The following PCDHA1 variants were observed in gnomAD, a reference collection of about 807,000 sequenced individuals.
The protein encoded by PCDHA1 is protocadherin alpha-1.
In PCDHA1, 42 loss-of-function variants were observed where a neutral mutation model predicts 61.3. That is an observed-to-expected ratio of 0.69 (90% CI 0.54 to 0.89). The LOEUF is 0.89. Among genes scored for constraint, PCDHA1 ranks in the 40% least tolerant of loss-of-function variants. The pLI is 0.00. For synonymous variants in PCDHA1, 610 were observed against 553.8 expected, an observed-to-expected ratio of 1.10 and a Z score of -1.43; for missense variants, 1,256 against 1,235.3, an observed-to-expected ratio of 1.02 and a Z score of -0.25.
chr5:140,871,269 G>T, intron 1 of PCDHA1: 3 of 1,613,952 alleles, frequency 1.9e-6, no homozygotes, highest in Non-Finnish European at 2.5e-6. Context: ...CGCTGTGGTG[G>T]TCGGCAACGC....
intron 1 of PCDHA1, chr5:140,830,206 C>A: frequency 1.9e-6 from 3 of 1,613,782 alleles, no homozygotes; most frequent in Non-Finnish European, 2.5e-6. Context: ...TCGCCATCTG[C>A]GCGGTATCCA....
intron 1 of PCDHA1, among the ~76,000 whole-genome samples, chr5:140,893,566 C>T (rs1283289530): frequency 6.6e-6 from 1 of 152,156 alleles, no homozygotes; most frequent in African/African-American, 2.4e-5. Flanking sequence ...AGTGTACTTC[C>T]TCAGTTTTTG....
chr5:140,796,446 G>A (rs1328451304), intron 1 of PCDHA1: 1 of 1,613,266 alleles, frequency 6.2e-7, no homozygotes, highest in Non-Finnish European at 8.5e-7. Context: ...CCTACTCGCT[G>A]GTGGAGCGGC....
chr5:140,818,115 T>G (rs1287358560), intron 1 of PCDHA1, among the ~76,000 whole-genome samples: 3 of 152,250 alleles, frequency 2.0e-5, no homozygotes, highest in African/African-American at 7.2e-5. Flanking sequence ...TTTTATCAGT[T>G]TAAGAGAAGA....
rs1554178111 is a variant in PCDHA1 at position 140,883,417 on chromosome 5, A to G, written c.2394+94733A>G. On this transcript the variant is annotated intron_variant, in intron 1 of 3. Transcript: ENST00000504120. Reference sequence around the variant, plus strand: ...CCGATCGTGACTCTGGCTCAAATGGACAGGTCACCTGCACCTTGACGCCGC... The same window carrying G: ...CCGATCGTGACTCTGGCTCAAATGGGCAGGTCACCTGCACCTTGACGCCGC... 3.1e-6 allele frequency: 5 copies of G among 1,614,146 alleles called. No homozygotes were observed. The South Asian group carries it at 5.5e-5, about 18-fold the overall frequency.
At chr5:140,952,009 G>A (rs780606946) in intron 1 of PCDHA1, among the ~76,000 whole-genome samples, 1 of 152,102 alleles carries the variant, frequency 6.6e-6, no homozygotes, top group African/African-American at 2.4e-5. Flanking sequence ...AGAATTATAG[G>A]CCCCATGCAA....
At chr5:140,882,129 T>C (rs2153382855) in intron 1 of PCDHA1, 5 of 1,473,110 alleles carry the variant, frequency 3.4e-6, no homozygotes, top group Non-Finnish European at 2.7e-6. Context: ...TCTTTCTTCC[T>C]GCAGAAAATA....
In PCDHA1 at chr5:140,788,475, G is replaced by C. The variant is rs1554118267; in HGVS notation, c.2185G>C (p.Glu729Gln). Residue 729 changes from glutamate (E) to glutamine (Q), a missense_variant, in exon 1 of 4, where the codon GAG becomes CAG. Glu to Gln is a conservative substitution (Grantham distance 29). Coordinates refer to ENST00000504120, the MANE Select transcript of PCDHA1 (RefSeq NM_018900.4). ...TALRCSVPPT[E>Q]GAYVPGKPTL... is the part of the protein sequence containing the mutation. ...GCTGCGGTGCTCAGTGCCGCCCACT[G>C]AGGGTGCGTATGTGCCGGGCAAGCC... 6.2e-7 allele frequency: 1 copy of C among 1,614,122 alleles called. No homozygotes were observed. Among genetic ancestry groups the C allele is most frequent in the Non-Finnish European group, 8.5e-7 (1 of 1,180,002 alleles).
intron 3 of PCDHA1, among the ~76,000 whole-genome samples, chr5:141,007,907 A>G (rs1402621923): frequency 6.6e-6 from 1 of 152,186 alleles, no homozygotes; most frequent in Non-Finnish European, 1.5e-5. Flanking sequence ...TTCTTTGTTG[A>G]AGATGCTATA....
intron 3 of PCDHA1, among the ~76,000 whole-genome samples, chr5:140,991,523 T>A (rs73268060): frequency 0.032 from 4,843 of 152,294 alleles, 263 homozygotes; most frequent in African/African-American, 0.11. Flanking sequence ...CAAGGTGTGT[T>A]CTTGCCACTA....
Position 140,787,867 on chromosome 5 carries a change from A to G in PCDHA1, c.1577A>G (p.Glu526Gly). The change falls in exon 1 of 4, where the codon GAG becomes GGG. Residue 526 changes from glutamate to glycine, a missense_variant. Glu to Gly is a moderately conservative substitution (Grantham distance 98). Coordinates refer to ENST00000504120, the MANE Select transcript of PCDHA1 (RefSeq NM_018900.4). Reference protein sequence around the residue: ...KVYALQPLDHEELELLQFQVS... With the variant: ...KVYALQPLDHGELELLQFQVS... ...TACGCACTGCAGCCCCTGGACCACG[A>G]GGAGCTGGAGCTGCTGCAGTTCCAG... 2 of 1,613,106 alleles carry G rather than the reference A, an allele frequency of 1.2e-6. No individual in the cohort carries two copies. The highest frequency in any genetic ancestry group is 1.7e-6 in the Non-Finnish European group (2 of 1,179,842).
At chr5:140,795,678 T>C in intron 1 of PCDHA1, 3 of 1,614,122 alleles carry the variant, frequency 1.9e-6, no homozygotes, top group South Asian at 2.2e-5. Context: ...TAAATGACAA[T>C]GAACCAACTT....
chr5:140,846,229 T>C (rs1166020827), intron 1 of PCDHA1, among the ~76,000 whole-genome samples: 1 of 149,582 alleles, frequency 6.7e-6, no homozygotes, highest in Non-Finnish European at 1.5e-5. Context: ...GTATTTTTCT[T>C]AAAAAGAAGT....
intron 1 of PCDHA1, chr5:140,796,933 C>G (rs1311910675): frequency 1.2e-6 from 2 of 1,613,864 alleles, no homozygotes; most frequent in African/African-American, 2.7e-5. Flanking sequence ...CCACGGCGAA[C>G]CAGCGTTGAC....
chr5:140,896,283 T>TG (rs1440417603), intron 1 of PCDHA1, among the ~76,000 whole-genome samples: 4 of 152,258 alleles, frequency 2.6e-5, no homozygotes, highest in Admixed American at 6.5e-5. Context: ...CTGGCTTGAA[T>TG]GGTAAGTTCT....
Position 140,809,414 on chromosome 5 carries a change from A to G in PCDHA1, c.2394+20730A>G, listed in dbSNP as rs541059549. The G allele has an allele frequency of 3.0e-5, 49 of 1,614,198 alleles. No individual in the cohort carries two copies. The East Asian group carries it at 9.6e-4, about 32-fold the overall frequency. ...GGGCAAGCCCACGCTGGTGTGCTCCAGTGCGGTGGGGAGCTGGTCATACTC... is the reference window on the plus strand; with the variant it reads ...GGGCAAGCCCACGCTGGTGTGCTCCGGTGCGGTGGGGAGCTGGTCATACTC... On this transcript the variant is annotated intron_variant, in intron 1 of 3. Coordinates refer to ENST00000504120, the MANE Select transcript of PCDHA1 (RefSeq NM_018900.4).
intron 1 of PCDHA1, among the ~76,000 whole-genome samples, chr5:140,880,546 T>C (rs919094204): frequency 7.9e-5 from 12 of 152,198 alleles, no homozygotes; most frequent in Non-Finnish European, 1.8e-4. Flanking sequence ...GAAAGTGAAC[T>C]GATGGAAATG....
intron 1 of PCDHA1, chr5:140,822,943 C>T (rs1554128961): frequency 3.1e-6 from 5 of 1,614,116 alleles, no homozygotes; most frequent in Admixed American, 1.7e-5. Context: ...CTCCCTAATG[C>T]CCCACGTTCC....
At chr5:140,799,863 T>C (rs1214913201) in intron 1 of PCDHA1, among the ~76,000 whole-genome samples, 1 of 152,142 alleles carries the variant, frequency 6.6e-6, no homozygotes, top group South Asian at 2.1e-4. Flanking sequence ...TTCTCTAAAT[T>C]TGACCTCTTT....
Sources: allele counts gnomAD v4.1 joint callset (sites outside exome capture counted in the v4.1 genomes callset), GRCh38; gene constraint gnomAD v4.1.1; transcripts MANE v1.5; gene names NCBI Gene and HGNC (gene_info 2026-07-23, HGNC 2026-07-21).